EFNA2: variants seen among roughly 807,000 people sequenced by gnomAD.
The protein encoded by EFNA2 is ephrin A2.
A neutral mutation model predicts 19.7 loss-of-function variants in EFNA2; 18 were observed. The ratio of observed to expected loss-of-function variants is 0.91; its 90% CI spans 0.63 to 1.35. The LOEUF is 1.35. EFNA2 is among the 40% of genes most tolerant of loss of function. The pLI is 0.00. For missense variants in EFNA2, 303 were observed against 296.0 expected, an observed-to-expected ratio of 1.02 and a Z score of -0.17; for synonymous variants, 187 against 137.8, an observed-to-expected ratio of 1.36 and a Z score of -2.50.
rs564321948 is a variant in EFNA2 at position 1,287,787 on chromosome 19, C to A, written c.140+1479C>A. 6.6e-6 allele frequency among the ~76,000 whole-genome samples: 1 copy of A among 152,366 alleles called. No homozygotes were observed. Among genetic ancestry groups the A allele is most frequent in the Non-Finnish European group, 1.5e-5 (1 of 68,020 alleles). On this transcript the variant is annotated intron_variant, in intron 1 of 3. Coordinates refer to ENST00000215368, the MANE Select transcript of EFNA2 (RefSeq NM_001405.4). This position sits in a 1 kb window ranked among gnomAD's most constrained non-coding sequence, Gnocchi z 6.2. ...CGGGGAGTCCAGCGGGCAGCGCTTCCCCGGCCCAAGTTTTTGGTTTCAGCT... is the reference window on the plus strand; with the variant it reads ...CGGGGAGTCCAGCGGGCAGCGCTTCACCGGCCCAAGTTTTTGGTTTCAGCT...
At chr19:1,284,340 C>G (rs1252506574), upstream of EFNA2, among the ~76,000 whole-genome samples, 1 of 152,212 alleles carries the variant, frequency 6.6e-6, no homozygotes, top group African/African-American at 2.4e-5. This position sits in a 1 kb window ranked among gnomAD's most constrained non-coding sequence, Gnocchi z 5.3. Context: ...ACCCGGCCAG[C>G]CCTGGGCCTT....
In EFNA2 at chr19:1,298,538, C is replaced by T. The variant is rs779440387; in HGVS notation, c.455-13C>T. 6.2e-7 allele frequency: 1 copy of T among 1,613,704 alleles called. No individual in the cohort carries two copies. Among genetic ancestry groups the T allele is most frequent in the South Asian group, 1.1e-5 (1 of 90,976 alleles). ...AGGCACTTCCCCACTCATCCCCATC[C>T]CCTCTCTTCTAGCTGCCACGCCTCC... is the stretch of plus-strand genomic sequence containing the variant. On this transcript the variant is annotated splice_polypyrimidine_tract_variant and intron_variant, in intron 2 of 3. Transcript: ENST00000215368.
rs1410426998 is a variant in EFNA2 at position 1,286,077 on chromosome 19, C to T, written c.-92C>T. The T allele has an allele frequency of 1.1e-4, 36 of 317,866 alleles. No homozygotes were observed. Among genetic ancestry groups the T allele is most frequent in the Non-Finnish European group, 1.5e-4 (33 of 223,000 alleles). The allele number at this position is 317,866 out of a possible 1,614,324, so 19.7% of individuals were successfully genotyped here. A position where few individuals can be genotyped will look rare whatever the true frequency, so the allele number is the denominator to read the frequency against. On this transcript the variant is annotated 5_prime_UTR_variant, in exon 1 of 4. Transcript: ENST00000215368. The surrounding 1 kb of genome is among the most constrained non-coding windows in gnomAD (Gnocchi z 5.6). The stretch of plus-strand genomic sequence containing the variant: ...GCCCTCCTCCCGCCCGCCCTCCGCC[C>T]GCCCGCTCGGCGGCGGCGGCGGCGG...
intron 1 of EFNA2, among the ~76,000 whole-genome samples, chr19:1,293,242 T>C (rs1453643391): frequency 3.9e-5 from 6 of 152,180 alleles, no homozygotes; most frequent in African/African-American, 1.2e-4. Flanking sequence ...GCCTGATCAA[T>C]GGGCTTTCAC....
Position 1,287,388 on chromosome 19 carries a change from C to CA in EFNA2, c.140+1080_140+1081insA, listed in dbSNP as rs1159107894. ...CATCGGGGGCTGAGGCGGCCCCCCC[C>CA]CACTCTTCTGCTACTGGTCACTTTC... On this transcript the variant is annotated intron_variant, in intron 1 of 3. Coordinates refer to ENST00000215368, the MANE Select transcript of EFNA2 (RefSeq NM_001405.4). This position sits in a 1 kb window ranked among gnomAD's most constrained non-coding sequence, Gnocchi z 6.2. Among the ~76,000 whole-genome samples, 12 of 152,084 alleles carry CA rather than the reference C, an allele frequency of 7.9e-5. No homozygotes were observed. Among genetic ancestry groups the CA allele is most frequent in the Admixed American group, 6.5e-5 (1 of 15,272 alleles).
chr19:1,286,390 C>A lies in EFNA2; in HGVS notation c.140+82C>A, dbSNP rs1437332400. 1 of 651,860 alleles carries A rather than the reference C, an allele frequency of 1.5e-6. No individual in the cohort carries two copies. Among genetic ancestry groups the A allele is most frequent in the Admixed American group, 6.5e-5 (1 of 15,458 alleles). 40.4% of individuals were successfully genotyped at this position (651,860 alleles called of 1,614,324 possible). On this transcript the variant is annotated intron_variant, in intron 1 of 3. Transcript: ENST00000215368. The surrounding 1 kb of genome is among the most constrained non-coding windows in gnomAD (Gnocchi z 5.6). ...CGCCCGGCCTCGCGCCCCCGGAGCT[C>A]CGGGCGCCCCCCACGCGCGCGCCGC...
chr19:1,291,107 G>A (rs1239059922), intron 1 of EFNA2, among the ~76,000 whole-genome samples: 4 of 152,212 alleles, frequency 2.6e-5, no homozygotes, highest in African/African-American at 7.2e-5. Flanking sequence ...CAGAGTCCAG[G>A]GTGTCCCACC....
Position 1,294,903 on chromosome 19 carries a change from A to C in EFNA2, c.141-642A>C, listed in dbSNP as rs553238174. ...CCTGGAGGAGGCGGCACAGATGTTA[A>C]GCATGTTAGGTAGATGCGAAGTTTC... is the stretch of plus-strand genomic sequence containing the variant. On this transcript the variant is annotated intron_variant, in intron 1 of 3. Transcript: ENST00000215368. The surrounding 1 kb of genome is among the most constrained non-coding windows in gnomAD (Gnocchi z 5.8). Among the ~76,000 whole-genome samples the C allele has an allele frequency of 1.6e-3, 240 of 152,222 alleles. No individual in the cohort carries two copies. The highest frequency in any genetic ancestry group is 3.8e-3 in the Admixed American group (58 of 15,304).
chr19:1,298,785 G>C (rs957445004), intron 3 of EFNA2, among the ~76,000 whole-genome samples, 169 bp downstream of exon 3: 4 of 152,182 alleles, frequency 2.6e-5, no homozygotes, highest in Admixed American at 2.6e-4. Context: ...TCAGACCTTC[G>C]AGAGTGAAGG....
Position 1,297,843 on chromosome 19 carries a change from G to A in EFNA2, c.455-708G>A, listed in dbSNP as rs1356537110. Among the ~76,000 whole-genome samples the A allele has an allele frequency of 6.6e-6, 1 of 152,130 alleles. No individual in the cohort carries two copies. Among genetic ancestry groups the A allele is most frequent in the African/African-American group, 2.4e-5 (1 of 41,508 alleles). ...TCCCAGCACTTTGGGAGGCCGAGGCGGGTGGATCACCTGAGGTCAGGAGTT... is the reference window on the plus strand; with the variant it reads ...TCCCAGCACTTTGGGAGGCCGAGGCAGGTGGATCACCTGAGGTCAGGAGTT... On this transcript the variant is annotated intron_variant, in intron 2 of 3. Coordinates refer to ENST00000215368, the MANE Select transcript of EFNA2 (RefSeq NM_001405.4). This position sits in a 1 kb window ranked among gnomAD's most constrained non-coding sequence, Gnocchi z 5.0.
chr19:1,289,496 GGGGAC>G (rs1188546430), intron 1 of EFNA2, among the ~76,000 whole-genome samples: 6 of 152,180 alleles, frequency 3.9e-5, no homozygotes, highest in Non-Finnish European at 5.9e-5. Flanking sequence ...CTCCTCCCCT[GGGGAC>G]GGGACCAGGG....
chr19:1,285,345 C>T (rs760828462), upstream of EFNA2, among the ~76,000 whole-genome samples: 1 of 152,190 alleles, frequency 6.6e-6, no homozygotes, highest in Non-Finnish European at 1.5e-5. The surrounding 1 kb of genome is among the most constrained non-coding windows in gnomAD (Gnocchi z 4.1). Context: ...CTACTATGCT[C>T]CCGGCACCCT....
At chr19:1,290,467 C>T (rs1222367216) in intron 1 of EFNA2, among the ~76,000 whole-genome samples, 4 of 152,194 alleles carry the variant, frequency 2.6e-5, no homozygotes, top group East Asian at 1.9e-4. Context: ...TCTGGGCTGA[C>T]GTCTCCGCAG....
chr19:1,284,391 G>A (rs928266678), upstream of EFNA2, among the ~76,000 whole-genome samples: 2 of 152,266 alleles, frequency 1.3e-5, no homozygotes, highest in East Asian at 3.8e-4. The surrounding 1 kb of genome is among the most constrained non-coding windows in gnomAD (Gnocchi z 5.3). Flanking sequence ...GATGAGACCT[G>A]GAGCTCAGAA....
intron 1 of EFNA2, among the ~76,000 whole-genome samples, chr19:1,290,484 A>G (rs1336959819): frequency 6.6e-6 from 1 of 152,138 alleles, no homozygotes; most frequent in African/African-American, 2.4e-5. Context: ...GCAGGTCTGC[A>G]GGGGACTGGC....
intron 1 of EFNA2, among the ~76,000 whole-genome samples, chr19:1,288,242 G>A (rs949536762): frequency 6.6e-6 from 1 of 152,256 alleles, no homozygotes; most frequent in Non-Finnish European, 1.5e-5. Flanking sequence ...GGGCTTTGTC[G>A]CGGACATCAG....
Position 1,297,024 on chromosome 19 carries a change from G to T in EFNA2, c.454+1166G>T, listed in dbSNP as rs1445341169. ...GCTTGGCCATGATATCTGTGACCTT[G>T]GCGGGGGAATGAGGGGCCAGGCACT... is the stretch of plus-strand genomic sequence containing the variant. On this transcript the variant is annotated intron_variant, in intron 2 of 3. Coordinates refer to ENST00000215368, the MANE Select transcript of EFNA2 (RefSeq NM_001405.4). The surrounding 1 kb of genome is among the most constrained non-coding windows in gnomAD (Gnocchi z 5.0). Among the ~76,000 whole-genome samples, 1 of 152,246 alleles carries T rather than the reference G, an allele frequency of 6.6e-6. No homozygotes were observed. Among genetic ancestry groups the T allele is most frequent in the Non-Finnish European group, 1.5e-5 (1 of 68,042 alleles).
At chr19:1,290,340 G>C (rs1395207002) in intron 1 of EFNA2, among the ~76,000 whole-genome samples, 2 of 152,176 alleles carry the variant, frequency 1.3e-5, no homozygotes, top group Non-Finnish European at 2.9e-5. Flanking sequence ...GCCATGGGTG[G>C]CCCAGGCCTT....
chr19:1,297,755 G>C lies in EFNA2; in HGVS notation c.455-796G>C, dbSNP rs1266251350. ...CAGGGGCGGTGATGCTGGAATTTTG[G>C]GCGTAAGAACCAGTTGGAAATAATC... is the stretch of plus-strand genomic sequence containing the variant. On this transcript the variant is annotated intron_variant, in intron 2 of 3. Coordinates refer to ENST00000215368, the MANE Select transcript of EFNA2 (RefSeq NM_001405.4). This position sits in a 1 kb window ranked among gnomAD's most constrained non-coding sequence, Gnocchi z 5.0. 6.6e-6 allele frequency among the ~76,000 whole-genome samples: 1 copy of C among 152,116 alleles called. No individual in the cohort carries two copies. Among genetic ancestry groups the C allele is most frequent in the Non-Finnish European group, 1.5e-5 (1 of 68,024 alleles).
Sources: gnomAD v4.1 joint callset for allele counts (sites outside exome capture counted in the v4.1 genomes callset) on GRCh38, gnomAD v4.1.1 for gene constraint, Gnocchi (gnomAD v3.1) non-coding constraint, MANE v1.5 for transcripts, NCBI Gene and HGNC (gene_info 2026-07-23, HGNC 2026-07-21) for gene names.